The following GRM7 variants were observed in gnomAD, a reference collection of about 807,000 sequenced individuals.
GRM7 encodes metabotropic glutamate receptor 7.
GRM7 carries 35 observed loss-of-function variants against 84.5 expected under a neutral mutation model. That is an observed-to-expected ratio of 0.41 (90% CI 0.32 to 0.55). The LOEUF is 0.55. Ranked by LOEUF, GRM7 falls within the 20% of genes least tolerant of loss-of-function variation. The pLI is 0.19. For missense variants in GRM7, 1,003 were observed against 1,194.6 expected (o/e 0.84, Z 2.36); for synonymous variants, 487 against 455.1 (o/e 1.07, Z -0.89).
chr3:7,119,517 A>G (rs1319565304), intron 1 of GRM7, among the ~76,000 whole-genome samples: 1 of 152,296 alleles, frequency 6.6e-6, no homozygotes, highest in African/African-American at 2.4e-5. Flanking sequence ...ACATAAAACA[A>G]TTACACTCTC....
chr3:7,190,146 C>T (rs565765807), intron 2 of GRM7, among the ~76,000 whole-genome samples: 57 of 152,192 alleles, frequency 3.7e-4, no homozygotes, highest in African/African-American at 1.3e-3. Flanking sequence ...GGTGATTATG[C>T]GCTAGTCAAG....
chr3:7,321,352 G>T (rs1392331259), intron 4 of GRM7, among the ~76,000 whole-genome samples: 1 of 151,966 alleles, frequency 6.6e-6, no homozygotes, highest in Non-Finnish European at 1.5e-5. Flanking sequence ...TGTAGGCATG[G>T]CATTATATGT....
intron 2 of GRM7, among the ~76,000 whole-genome samples, chr3:7,251,137 AC>A (rs1697969129): frequency 6.6e-6 from 1 of 152,118 alleles, no homozygotes; most frequent in South Asian, 2.1e-4. Flanking sequence ...CAATTGGGAG[AC>A]ATAAGGTGAA....
intron 7 of GRM7, among the ~76,000 whole-genome samples, chr3:7,542,382 A>G (rs1019121681): frequency 1.3e-5 from 2 of 152,078 alleles, no homozygotes; most frequent in Non-Finnish European, 2.9e-5. Flanking sequence ...AGCCTGGAAT[A>G]ATGCACTTCC....
chr3:7,298,655 T>C (rs758248794), intron 2 of GRM7, 29 bp from the exon 3 acceptor site: 4 of 1,603,288 alleles, frequency 2.5e-6, no homozygotes, highest in African/African-American at 2.7e-5. Flanking sequence ...GGAAACATTA[T>C]TGACACTATG....
At chr3:6,932,190 G>A (rs1277192621) in intron 1 of GRM7, among the ~76,000 whole-genome samples, 1 of 152,162 alleles carries the variant, frequency 6.6e-6, no homozygotes, top group African/African-American at 2.4e-5. Context: ...ATTTTAACAT[G>A]TACCTATAGT....
At chr3:7,389,869 G>A (rs766284785) in intron 4 of GRM7, among the ~76,000 whole-genome samples, 1 of 151,884 alleles carries the variant, frequency 6.6e-6, no homozygotes, top group African/African-American at 2.4e-5. Flanking sequence ...GATATGTGAG[G>A]CTTTGTTCTT....
intron 2 of GRM7, among the ~76,000 whole-genome samples, chr3:7,286,759 C>A (rs1288893463): frequency 6.6e-6 from 1 of 152,022 alleles, no homozygotes; most frequent in African/African-American, 2.4e-5. Context: ...AATGGTTGAT[C>A]AAATTTATAT....
chr3:7,605,989 C>A (rs993692589), intron 8 of GRM7, among the ~76,000 whole-genome samples: 1 of 152,124 alleles, frequency 6.6e-6, no homozygotes, highest in African/African-American at 2.4e-5. Flanking sequence ...CCATGTTGAC[C>A]GATGTCTGAG....
intron 9 of GRM7, chr3:7,681,692 T>G (rs1186157545): frequency 2.0e-5 from 3 of 152,200 alleles, no homozygotes; most frequent in Admixed American, 6.6e-5. Flanking sequence ...GATGGTGACT[T>G]GCTGTGGCAT....
intron 1 of GRM7, among the ~76,000 whole-genome samples, chr3:7,103,199 A>G (rs1699171615): frequency 6.6e-6 from 1 of 151,834 alleles, no homozygotes; most frequent in South Asian, 2.1e-4. Flanking sequence ...TTGTCCTAGT[A>G]TGCTAGTAAA....
intron 8 of GRM7, among the ~76,000 whole-genome samples, chr3:7,641,023 C>A (rs958488901): frequency 6.6e-6 from 1 of 152,162 alleles, no homozygotes; most frequent in African/African-American, 2.4e-5. Context: ...TCCATTTTAT[C>A]TCTCTGGTGA....
At chr3:7,374,100 C>T (rs1694247080) in intron 4 of GRM7, among the ~76,000 whole-genome samples, 1 of 152,038 alleles carries the variant, frequency 6.6e-6, no homozygotes, top group South Asian at 2.1e-4. Flanking sequence ...CTCTGTGCCT[C>T]AGTTTCCACA....
rs747507438 is a variant in GRM7 at position 7,306,451 on chromosome 3, C to G, written c.879-47C>G. On this transcript the variant is annotated intron_variant, in intron 3 of 9. Transcript: ENST00000357716. ...TGACTTGCAATCTACACGGATTCAG[C>G]TGACGTTCTTTATCATTAATATAAC... 2.6e-6 allele frequency: 4 copies of G among 1,539,014 alleles called. No individual in the cohort carries two copies. In the South Asian group the frequency reaches 4.5e-5, roughly 17 times the overall value.
At chr3:7,322,177 T>G (rs773033943) in intron 4 of GRM7, among the ~76,000 whole-genome samples, 2 of 152,224 alleles carry the variant, frequency 1.3e-5, no homozygotes, top group Non-Finnish European at 2.9e-5. Context: ...AGCAATGATA[T>G]TAGTAGTGAA....
chr3:6,984,999 C>T (rs905270393), intron 1 of GRM7, among the ~76,000 whole-genome samples: 2 of 152,188 alleles, frequency 1.3e-5, no homozygotes, highest in Admixed American at 1.3e-4. Flanking sequence ...AGCACCGAGG[C>T]TGAGATTACC....
At chr3:7,101,849 A>T (rs1327372543) in intron 1 of GRM7, among the ~76,000 whole-genome samples, 2 of 149,132 alleles carry the variant, frequency 1.3e-5, no homozygotes, top group East Asian at 3.9e-4. Flanking sequence ...ATATGTATAT[A>T]TACACATTTT....
At chr3:7,392,705 A>G (rs992184007) in intron 4 of GRM7, among the ~76,000 whole-genome samples, 3 of 152,190 alleles carry the variant, frequency 2.0e-5, no homozygotes, top group East Asian at 1.9e-4. Context: ...TGGTGGCTGC[A>G]TCTGTGTCAG....
intron 8 of GRM7, among the ~76,000 whole-genome samples, chr3:7,591,144 C>T (rs1471540723): frequency 1.3e-5 from 2 of 152,130 alleles, no homozygotes; most frequent in African/African-American, 4.8e-5. Context: ...GCAAGAACAG[C>T]CTTGAGCGAG....
Sources: gnomAD v4.1 joint callset for allele counts (sites outside exome capture counted in the v4.1 genomes callset) on GRCh38, gnomAD v4.1.1 for gene constraint, MANE v1.5 for transcripts, NCBI Gene and HGNC (gene_info 2026-07-23, HGNC 2026-07-21) for gene names.